Variants in SMAD3 observed in about 807,000 individuals in gnomAD.
The protein encoded by SMAD3 is SMAD family member 3, also known as MAD homolog 3.
Under a neutral mutation model 51.8 loss-of-function variants are expected in SMAD3, and 12 were observed. The ratio of observed to expected loss-of-function variants is 0.23; its 90% confidence interval spans 0.15 to 0.38. The LOEUF is 0.38. Among genes scored for constraint, SMAD3 ranks in the 10% least tolerant of loss-of-function variants. The probability of loss-of-function intolerance (pLI) is 1.00; values close to 1 mark genes in which losing one functional copy is unlikely to be tolerated. For missense variants in SMAD3, 294 were observed against 565.6 expected, an observed-to-expected ratio of 0.52 and a Z score of 4.87; for synonymous variants, 238 against 227.7, an observed-to-expected ratio of 1.05 and a Z score of -0.41.
chr15:67,169,964 GTGTT>G, intron 4 of SMAD3, among the ~76,000 whole-genome samples: 1 of 152,324 alleles, frequency 6.6e-6, no homozygotes, highest in East Asian at 1.9e-4. Context: ...TTTGCATAAA[GTGTT>G]TGTCTGGTTG....
intron 1 of SMAD3, chr15:67,138,635 G>C (rs1961734252): frequency 6.6e-6 from 1 of 152,578 alleles, no homozygotes; most frequent in African/African-American, 2.4e-5. Context: ...TTCTTCCTTT[G>C]ATTTCTTGCT....
At chr15:67,161,589 C>T (rs1962432764) in intron 1 of SMAD3, among the ~76,000 whole-genome samples, 1 of 152,206 alleles carries the variant, frequency 6.6e-6, no homozygotes, top group Non-Finnish European at 1.5e-5. Flanking sequence ...CACCCAGTGG[C>T]TTTGCAGGAG....
chr15:67,189,265 C>T (rs901397464), intron 8 of SMAD3, among the ~76,000 whole-genome samples: 22 of 152,302 alleles, frequency 1.4e-4, no homozygotes, highest in African/African-American at 4.6e-4. Context: ...TACCCTCGCT[C>T]GTGCAGACAC....
chr15:67,089,359 C>T (rs567205764), intron 1 of SMAD3, among the ~76,000 whole-genome samples: 2 of 152,202 alleles, frequency 1.3e-5, no homozygotes, highest in Non-Finnish European at 2.9e-5. Flanking sequence ...CTCAGCCTCC[C>T]GGTGGGGTGA....
At chr15:67,178,991 C>T (rs1962979950) in intron 5 of SMAD3, among the ~76,000 whole-genome samples, 2 of 152,204 alleles carry the variant, frequency 1.3e-5, no homozygotes, top group Non-Finnish European at 2.9e-5. Flanking sequence ...AGGCTATTTT[C>T]AAGTTCACAG....
At chr15:67,187,540 A>G in intron 8 of SMAD3, 31 bp downstream of exon 8, 1 of 1,613,758 alleles carries the variant, frequency 6.2e-7, no homozygotes, top group Non-Finnish European at 8.5e-7. Flanking sequence ...ACATCAGGGG[A>G]CCCAACTCCA....
chr15:67,127,713 A>G (rs557448114), intron 1 of SMAD3, among the ~76,000 whole-genome samples: 47 of 152,238 alleles, frequency 3.1e-4, no homozygotes, highest in Middle Eastern at 6.8e-3. Flanking sequence ...GTTGGTTTGT[A>G]CATCCATTTA....
chr15:67,104,332 GT>G (rs1292609154), intron 1 of SMAD3, among the ~76,000 whole-genome samples: 1 of 152,230 alleles, frequency 6.6e-6, no homozygotes, highest in Non-Finnish European at 1.5e-5. Context: ...TCAAGTCATG[GT>G]TAGCCGCAGG....
At chr15:67,091,484 G>A (rs147333151) in intron 1 of SMAD3, among the ~76,000 whole-genome samples, 63 of 152,356 alleles carry the variant, frequency 4.1e-4, no homozygotes, top group East Asian at 1.2e-3. Flanking sequence ...AGGGGAAACC[G>A]TTGTATCATT....
intron 1 of SMAD3, among the ~76,000 whole-genome samples, chr15:67,107,976 C>A (rs1960918618): frequency 6.8e-6 from 1 of 146,460 alleles, no homozygotes. Flanking sequence ...CCCCCCCACC[C>A]CCCCACCACC....
chr15:67,163,944 T>C (rs28378502), intron 1 of SMAD3, among the ~76,000 whole-genome samples: 1 of 87,920 alleles, frequency 1.1e-5, no homozygotes, highest in Non-Finnish European at 2.1e-5. Flanking sequence ...GTATCAAAAG[T>C]AAAAAAAAAA....
At chr15:67,182,993 AAAAAAAAAT>A (rs1354122587) in intron 6 of SMAD3, among the ~76,000 whole-genome samples, 1 of 54,694 alleles carries the variant, frequency 1.8e-5, no homozygotes, top group African/African-American at 8.1e-5. Flanking sequence ...TATTAAAAAA[AAAAAAAAAT>A]ATATATATAT....
In SMAD3 at chr15:67,109,932, T is replaced by A. The variant is rs531916599; in HGVS notation, c.206+43572T>A. ...TCTCCAGATAACATGAAGCCATAGC[T>A]CCCAGGCTCGTCAGCGGGGGAAACC... On this transcript the variant is annotated intron_variant, in intron 1 of 8. Transcript: ENST00000327367. Among the ~76,000 whole-genome samples the A allele has an allele frequency of 1.1e-4, 17 of 152,142 alleles. 2 individuals are homozygous for A. Among genetic ancestry groups the A allele is most frequent in the Admixed American group, 9.8e-4 (15 of 15,288 alleles).
intron 1 of SMAD3, among the ~76,000 whole-genome samples, chr15:67,103,960 G>A (rs1960819947): frequency 1.3e-5 from 2 of 152,172 alleles, no homozygotes; most frequent in Non-Finnish European, 1.5e-5. Context: ...ACGTTCAAGG[G>A]TAGTTGGTGG....
chr15:67,078,796 G>A (rs1057176174), intron 1 of SMAD3, among the ~76,000 whole-genome samples: 6 of 152,130 alleles, frequency 3.9e-5, no homozygotes, highest in Non-Finnish European at 8.8e-5. Context: ...AACTTACTGC[G>A]GTGGTGACTG....
intron 1 of SMAD3, among the ~76,000 whole-genome samples, chr15:67,070,549 TTGAGAAGCTCCCAGCCTG>T (rs1960030129): frequency 6.6e-6 from 1 of 151,834 alleles, no homozygotes; most frequent in African/African-American, 2.4e-5. Context: ...AGAGACACGT[TTGAGAAGCTCCCAGCCTG>T]TGAGAAGCTT....
intron 7 of SMAD3, among the ~76,000 whole-genome samples, chr15:67,186,000 A>G (rs1422341051): frequency 1.3e-5 from 2 of 152,294 alleles, no homozygotes; most frequent in Non-Finnish European, 2.9e-5. Context: ...ATAATAGCAC[A>G]CCAGGTTTCC....
Position 67,191,546 on chromosome 15 carries a change from T to G in SMAD3, c.*1010T>G, listed in dbSNP as rs1333733465. On this transcript the variant is annotated 3_prime_UTR_variant, in exon 9 of 9. Transcript: ENST00000327367. ...TAAATGTTTGGTTTATATATTTTCT[T>G]TAAAAATCCTGGGCTGGCACATTGA... 1 of 233,138 alleles carries G rather than the reference T, an allele frequency of 4.3e-6. No homozygotes were observed. Among genetic ancestry groups the G allele is most frequent in the African/African-American group, 2.2e-5 (1 of 45,326 alleles). The allele number at this position is 233,138 out of a possible 1,614,324, so 14.4% of individuals were successfully genotyped here.
chr15:67,084,665 C>T (rs921733375), intron 1 of SMAD3, among the ~76,000 whole-genome samples: 11 of 152,156 alleles, frequency 7.2e-5, no homozygotes, highest in Admixed American at 3.3e-4. Flanking sequence ...GCTCTGCCCT[C>T]ATGGAGCGTC....
Sources: gnomAD v4.1 joint callset for allele counts (sites outside exome capture counted in the v4.1 genomes callset) on GRCh38, gnomAD v4.1.1 for gene constraint, MANE v1.5 for transcripts, NCBI Gene and HGNC (gene_info 2026-07-23, HGNC 2026-07-21) for gene names.